Variants in PIWIL1 observed in about 807,000 individuals in gnomAD.
The protein encoded by PIWIL1 is piwi like RNA-mediated gene silencing 1.
Under a neutral mutation model 114.4 loss-of-function variants are expected in PIWIL1, and 73 were observed. That is an observed-to-expected ratio of 0.64 (90% CI 0.53 to 0.78). The LOEUF is 0.78. PIWIL1 is among the 30% of genes least tolerant of loss of function. The pLI is 0.00. For missense variants in PIWIL1, 723 were observed against 1,063.1 expected (o/e 0.68, Z 4.45); for synonymous variants, 375 against 369.0 (o/e 1.02, Z -0.19).
At chr12:130,365,587 C>T (rs529328133) in intron 18 of PIWIL1, among the ~76,000 whole-genome samples, 6 of 152,272 alleles carry the variant, frequency 3.9e-5, no homozygotes, top group South Asian at 4.2e-4. Flanking sequence ...TTTATAGCAA[C>T]GTATCACAGG....
intron 1 of PIWIL1, among the ~76,000 whole-genome samples, chr12:130,341,282 T>G (rs2072912360): frequency 6.6e-6 from 1 of 152,342 alleles, no homozygotes; most frequent in Middle Eastern, 3.4e-3. Flanking sequence ...GTTCAAGCAC[T>G]TATGTGTGGG....
rs754253035 is a variant in PIWIL1, at chr12:130,348,124, G to T, written c.675G>T (p.Leu225Phe). 2 of 1,605,852 alleles carry T rather than the reference G, an allele frequency of 1.2e-6. No homozygotes were observed. Among genetic ancestry groups the T allele is most frequent in the Non-Finnish European group, 1.7e-6 (2 of 1,173,510 alleles). ...CTAGGCTTTTGAAAATCATGAATTT[G>T]CAACAAATTGGACGAAATTATTATA... ...IFRRLLKIMN[L>F]QQIGRNYYNP... The change falls in exon 7 of 21, where the codon TTG (leucine) becomes TTT (phenylalanine). Residue 225 changes from leucine (L) to phenylalanine (F), a missense_variant. Transcript: ENST00000245255.
chr12:130,347,211 C>G (rs1432762599), intron 6 of PIWIL1, 149 bp downstream of exon 6: 1 of 641,330 alleles, frequency 1.6e-6, no homozygotes, highest in East Asian at 2.8e-5. Context: ...GTGTGGTTTA[C>G]TGATAGAAAA....
the PIWIL1 span, chr12:130,397,083 G>GTGA: frequency 1.3e-5 from 3 of 239,996 alleles, no homozygotes. Context: ...GGAGCTACAG[G>GTGA]TGATAGCTAT....
the PIWIL1 span, among the ~76,000 whole-genome samples, chr12:130,382,780 A>G: frequency 6.6e-6 from 1 of 152,050 alleles, no homozygotes; most frequent in Non-Finnish European, 1.5e-5. Flanking sequence ...TTGTTGTTAT[A>G]TTGGCCAAAA....
the PIWIL1 span, among the ~76,000 whole-genome samples, chr12:130,410,067 T>C: frequency 2.0e-5 from 3 of 152,346 alleles, no homozygotes; most frequent in African/African-American, 7.2e-5. Context: ...CGGCCAGCCG[T>C]TTTAATCTTA....
chr12:130,361,312 A>G lies in PIWIL1; in HGVS notation c.1798A>G (p.Ile600Val), dbSNP rs376637485. The G allele has an allele frequency of 3.7e-6, 6 of 1,614,096 alleles. No individual in the cohort carries two copies. The highest frequency in any genetic ancestry group is 2.2e-5 in the East Asian group (1 of 44,898). ...TLGKQQTVMAIATKIALQMNC... is the reference protein window; with the variant it reads ...TLGKQQTVMAVATKIALQMNC... ...AGGCAAACAGCAAACTGTCATGGCC[A>G]TTGCTACAAAGATTGCCCTACAGAT... is the stretch of plus-strand genomic sequence containing the variant. The change falls in exon 15 of 21, where the codon ATT (isoleucine) becomes GTT (valine). Residue 600 changes from isoleucine (I) to valine (V), a missense_variant. Physicochemically the swap from Ile to Val is conservative, Grantham distance 29. This residue lies in a region of PIWIL1 where 298 missense variants were observed against 420.8 expected (regional missense o/e 0.71). Coordinates refer to ENST00000245255, the MANE Select transcript of PIWIL1 (RefSeq NM_004764.5).
At position 130,348,139 on chromosome 12, in the gene PIWIL1, A is replaced by T; in HGVS notation, c.690A>T (p.Arg230=). 6.2e-7 allele frequency: 1 copy of T among 1,609,914 alleles called. No individual in the cohort carries two copies. Among genetic ancestry groups the T allele is most frequent in the Non-Finnish European group, 8.5e-7 (1 of 1,176,610 alleles). The change falls in exon 7 of 21, where the codon CGA becomes CGT. Residue 230 remains arginine, a synonymous_variant. Coordinates refer to ENST00000245255, the MANE Select transcript of PIWIL1 (RefSeq NM_004764.5). ...LKIMNLQQIG[R]NYYNPNDPID... Reference sequence around the variant, plus strand: ...TCATGAATTTGCAACAAATTGGACGAAATTATTATAACCCAAATGACCCAA... The same window carrying T: ...TCATGAATTTGCAACAAATTGGACGTAATTATTATAACCCAAATGACCCAA...
rs10773771 is a variant in PIWIL1 at position 130,371,771 on chromosome 12, C to T, written c.*173C>T. The T allele has an allele frequency of 0.55, 223,009 of 405,492 alleles. 63,350 individuals carry two copies. The highest frequency in any genetic ancestry group is 0.62 in the East Asian group (15,845 of 25,388). The allele number at this position is 405,492 out of a possible 1,614,324, so 25.1% of individuals were successfully genotyped here. ...TATTCACCGGCTTCCTTATTTTATA[C>T]GTAAAAATTAAGATTTTATATTTTA... is the stretch of plus-strand genomic sequence containing the variant. On this transcript the variant is annotated 3_prime_UTR_variant, in exon 21 of 21. Transcript: ENST00000245255.
intron 2 of PIWIL1, 80 bp downstream of exon 2, chr12:130,342,749 C>A: frequency 9.0e-7 from 1 of 1,113,582 alleles, no homozygotes; most frequent in Non-Finnish European, 1.3e-6. Context: ...AAACTAAAAA[C>A]TGTGCTGGGA....
At chr12:130,412,918 T>G in the PIWIL1 span, 1 of 872,772 alleles carries the variant, frequency 1.1e-6, no homozygotes. Flanking sequence ...ATAAATCACC[T>G]GCATAGGTCA....
At chr12:130,381,202 T>A in the PIWIL1 span, among the ~76,000 whole-genome samples, 3 of 152,192 alleles carry the variant, frequency 2.0e-5, no homozygotes, top group African/African-American at 7.2e-5. Flanking sequence ...TTTGCGTATT[T>A]TGGATAACAG....
At chr12:130,370,105 A>G (rs2073777740) in intron 19 of PIWIL1, among the ~76,000 whole-genome samples, 1 of 152,212 alleles carries the variant, frequency 6.6e-6, no homozygotes. Context: ...TAGCTATACC[A>G]TCTGTTGTAG....
chr12:130,338,990 C>G (rs1189065489), intron 1 of PIWIL1, among the ~76,000 whole-genome samples: 2 of 151,890 alleles, frequency 1.3e-5, no homozygotes, highest in African/African-American at 4.8e-5. Flanking sequence ...ACTGCGGGGA[C>G]CTGAGAGCTC....
chr12:130,422,394 A>T, the PIWIL1 span: 1 of 1,212,796 alleles, frequency 8.2e-7, no homozygotes, highest in Non-Finnish European at 1.2e-6. This position sits in a 1 kb window ranked among gnomAD's most constrained non-coding sequence, Gnocchi z 5.2. Context: ...GCTTAGATGG[A>T]GTAAGCAGCC....
At chr12:130,407,568 T>C in the PIWIL1 span, among the ~76,000 whole-genome samples, 1 of 152,188 alleles carries the variant, frequency 6.6e-6, no homozygotes. Context: ...TGCGTGGCCA[T>C]GTCTGTATCA....
At chr12:130,422,574 C>A in the PIWIL1 span, 1 of 1,578,936 alleles carries the variant, frequency 6.3e-7, no homozygotes, top group Non-Finnish European at 8.7e-7. This position sits in a 1 kb window ranked among gnomAD's most constrained non-coding sequence, Gnocchi z 5.2. Context: ...AAAGACAAAA[C>A]AACAACAAAG....
chr12:130,377,762 G>A, the PIWIL1 span, among the ~76,000 whole-genome samples: 2 of 152,326 alleles, frequency 1.3e-5, no homozygotes, highest in East Asian at 3.9e-4. Flanking sequence ...CTGTGGCAGG[G>A]CCTGAGGTAC....
downstream of PIWIL1, among the ~76,000 whole-genome samples, chr12:130,374,995 C>G (rs1274223171): frequency 3.3e-5 from 5 of 152,118 alleles, no homozygotes; most frequent in Admixed American, 6.5e-5. Flanking sequence ...AGGTAGGTGT[C>G]CCTCTTGCTC....
Sources: allele counts gnomAD v4.1 joint callset (sites outside exome capture counted in the v4.1 genomes callset), GRCh38; gene constraint gnomAD v4.1.1; regional missense constraint gnomAD v4.1.1; non-coding constraint Gnocchi (gnomAD v3.1); transcripts MANE v1.5; gene names NCBI Gene and HGNC (gene_info 2026-07-23, HGNC 2026-07-21).